Variants in ZMAT4 observed in about 807,000 individuals in gnomAD.
ZMAT4 encodes zinc finger matrin-type 4.
Under a neutral mutation model 28.7 loss-of-function variants are expected in ZMAT4, and 17 were observed. The observed-to-expected ratio is 0.59, with a 90% CI of 0.41 to 0.89. The LOEUF is 0.89. Ranked by LOEUF, ZMAT4 falls within the 40% of genes least tolerant of loss-of-function variation. ZMAT4 has a pLI of 0.00. For synonymous variants in ZMAT4, 117 were observed against 109.2 expected, an observed-to-expected ratio of 1.07 and a Z score of -0.44; for missense variants, 240 against 283.8, an observed-to-expected ratio of 0.85 and a Z score of 1.11.
At chr8:40,796,304 C>T (rs1814597312) in intron 2 of ZMAT4, among the ~76,000 whole-genome samples, 1 of 152,178 alleles carries the variant, frequency 6.6e-6, no homozygotes, top group Non-Finnish European at 1.5e-5. Flanking sequence ...AGGCATATCG[C>T]CTGCCATGCC....
intron 3 of ZMAT4, among the ~76,000 whole-genome samples, chr8:40,703,297 A>T (rs969329310): frequency 3.9e-5 from 6 of 152,184 alleles, no homozygotes; most frequent in African/African-American, 1.4e-4. Flanking sequence ...CACATCATTC[A>T]TAATAGCCCA....
At position 40,724,973 on chromosome 8, in the gene ZMAT4, T is replaced by A. The variant is rs75982028; in HGVS notation, c.193-27572A>T. Among the ~76,000 whole-genome samples, 974 of 152,286 alleles carry A rather than the reference T, an allele frequency of 6.4e-3. 12 individuals are homozygous for A. The highest frequency in any genetic ancestry group is 0.022 in the African/African-American group (929 of 41,562). On this transcript the variant is annotated intron_variant, in intron 3 of 6. Transcript: ENST00000297737. Reference sequence around the variant, plus strand: ...AAGGATTGGAACTCAGCATTATACTTCTTGTTTAACCTGTCTATATTTTCC... The same window carrying A: ...AAGGATTGGAACTCAGCATTATACTACTTGTTTAACCTGTCTATATTTTCC...
chr8:40,561,194 A>G (rs2118468012), intron 6 of ZMAT4, among the ~76,000 whole-genome samples: 1 of 152,276 alleles, frequency 6.6e-6, no homozygotes, highest in South Asian at 2.1e-4. Context: ...ACAAAAATGG[A>G]AACATCTTAA....
At chr8:40,707,596 T>C (rs1334895235) in intron 3 of ZMAT4, among the ~76,000 whole-genome samples, 5 of 151,532 alleles carry the variant, frequency 3.3e-5, no homozygotes, top group Non-Finnish European at 7.4e-5. Context: ...AATATCTTTG[T>C]GTGTGAGTAT....
At chr8:40,590,174 C>CTA (rs1333266105) in intron 5 of ZMAT4, among the ~76,000 whole-genome samples, 1 of 151,300 alleles carries the variant, frequency 6.6e-6, no homozygotes, top group Non-Finnish European at 1.5e-5. Context: ...CAGGCATGCA[C>CTA]TACCATGCCT....
intron 5 of ZMAT4, among the ~76,000 whole-genome samples, chr8:40,670,044 A>G (rs1213109349): frequency 1.3e-5 from 2 of 152,236 alleles, no homozygotes; most frequent in African/African-American, 2.4e-5. Context: ...TTTATGCAAG[A>G]TTGATTCTAA....
rs1239965545 is a variant in ZMAT4 at position 40,652,127 on chromosome 8, C to T, written c.577+22577G>A. On this transcript the variant is annotated intron_variant, in intron 5 of 6. Coordinates refer to ENST00000297737, the MANE Select transcript of ZMAT4 (RefSeq NM_024645.3). ...AGCTTCTGCACAGCAAAAGAAACTA[C>T]CATCAGAGTGAACAGGCAACCTACA... Among the ~76,000 whole-genome samples, 3 of 110,440 alleles carry T rather than the reference C, an allele frequency of 2.7e-5. 1 individual carries two copies. The highest frequency in any genetic ancestry group is 6.1e-5 in the Non-Finnish European group (3 of 48,944). 72.5% of individuals were successfully genotyped at this position (110,440 alleles called of 152,430 possible). A position where few individuals can be genotyped will look rare whatever the true frequency, so the allele number is the denominator to read the frequency against.
chr8:40,703,621 G>C (rs1424023886), intron 3 of ZMAT4, among the ~76,000 whole-genome samples: 1 of 152,160 alleles, frequency 6.6e-6, no homozygotes, highest in African/African-American at 2.4e-5. Context: ...GAAATGAGGA[G>C]TGATTGCTAA....
At chr8:40,767,606 T>C (rs1282542864) in intron 3 of ZMAT4, 35 bp downstream of exon 3, 8 of 1,574,462 alleles carry the variant, frequency 5.1e-6, no homozygotes, top group Non-Finnish European at 6.9e-6. Flanking sequence ...ACAGAACAAA[T>C]CATCTGAGGA....
intron 2 of ZMAT4, among the ~76,000 whole-genome samples, chr8:40,793,510 A>T (rs1276257213): frequency 6.6e-6 from 1 of 152,204 alleles, no homozygotes; most frequent in East Asian, 1.9e-4. Context: ...AACAGCCTTG[A>T]AATCCTTTTG....
At chr8:40,811,299 C>T (rs924451363) in intron 2 of ZMAT4, among the ~76,000 whole-genome samples, 5 of 152,146 alleles carry the variant, frequency 3.3e-5, no homozygotes, top group African/African-American at 9.7e-5. Context: ...AGTGGATCTT[C>T]ACAACTGTGA....
At chr8:40,845,831 G>C (rs1214713833) in intron 1 of ZMAT4, among the ~76,000 whole-genome samples, 1 of 148,702 alleles carries the variant, frequency 6.7e-6, no homozygotes, top group Non-Finnish European at 1.5e-5. Context: ...GGGCAGGGAG[G>C]GTGAAAAATG....
rs529493611 is a variant in ZMAT4, at chr8:40,630,527, C to T, written c.577+44177G>A. Among the ~76,000 whole-genome samples the T allele has an allele frequency of 2.6e-5, 4 of 152,230 alleles. No individual in the cohort carries two copies. The South Asian group carries it at 6.2e-4, about 24-fold the overall frequency. ...TTAAGCATGGACATCATCATGCTGA[C>T]GATTAGTCTTGTGTTCAATCCTAGG... On this transcript the variant is annotated intron_variant, in intron 5 of 6. Transcript: ENST00000297737.
At chr8:40,782,947 A>G (rs915314139) in intron 2 of ZMAT4, among the ~76,000 whole-genome samples, 5 of 152,230 alleles carry the variant, frequency 3.3e-5, no homozygotes, top group Admixed American at 1.3e-4. Context: ...AGAAATTGAG[A>G]CCTTACACAC....
intron 6 of ZMAT4, among the ~76,000 whole-genome samples, chr8:40,546,118 G>T (rs150008421): frequency 6.6e-6 from 1 of 151,870 alleles, no homozygotes; most frequent in South Asian, 2.1e-4. Flanking sequence ...GGAAAACAAC[G>T]CAAAGCAAAC....
chr8:40,594,237 G>A (rs1257229177), intron 5 of ZMAT4, among the ~76,000 whole-genome samples: 2 of 152,084 alleles, frequency 1.3e-5, no homozygotes, highest in Non-Finnish European at 2.9e-5. Flanking sequence ...TTATCTCAGT[G>A]GCCTTATCTA....
chr8:40,851,794 T>C (rs561128640), intron 1 of ZMAT4, among the ~76,000 whole-genome samples: 4 of 152,332 alleles, frequency 2.6e-5, no homozygotes, highest in African/African-American at 9.6e-5. Context: ...TTGCTAACTA[T>C]AGTCTTCCTA....
At chr8:40,675,680 T>C (rs1189098846) in intron 4 of ZMAT4, among the ~76,000 whole-genome samples, 1 of 152,154 alleles carries the variant, frequency 6.6e-6, no homozygotes, top group East Asian at 1.9e-4. Context: ...AACCAATAAA[T>C]AAAGGATTTG....
At chr8:40,688,620 A>C (rs1265748570) in intron 4 of ZMAT4, among the ~76,000 whole-genome samples, 1 of 152,212 alleles carries the variant, frequency 6.6e-6, no homozygotes, top group Non-Finnish European at 1.5e-5. Context: ...CTCAACAAAC[A>C]ATAGAAGAAA....
Sources: allele counts gnomAD v4.1 joint callset (sites outside exome capture counted in the v4.1 genomes callset), GRCh38; gene constraint gnomAD v4.1.1; transcripts MANE v1.5; gene names NCBI Gene and HGNC (gene_info 2026-07-23, HGNC 2026-07-21).